The following DSTYK variants were observed in gnomAD, a reference collection of about 807,000 sequenced individuals.
DSTYK encodes RIP-homologous kinase.
Under a neutral mutation model 98.7 loss-of-function variants are expected in DSTYK, and 34 were observed. The ratio of observed to expected loss-of-function variants is 0.34; its 90% CI spans 0.26 to 0.46. The LOEUF (loss-of-function observed/expected upper bound fraction) is 0.46, where lower values mean the gene tolerates loss of function less well. Among genes scored for constraint, DSTYK ranks in the 20% least tolerant of loss-of-function variants. The pLI is 1.00. For missense variants in DSTYK, 962 were observed against 1,181.7 expected, an observed-to-expected ratio of 0.81 and a Z score of 2.73; for synonymous variants, 462 against 457.3, an observed-to-expected ratio of 1.01 and a Z score of -0.13.
At chr1:205,161,167 CT>C in intron 7 of DSTYK, 90 bp downstream of exon 7, 9 of 1,521,476 alleles carry the variant, frequency 5.9e-6, no homozygotes, top group Non-Finnish European at 8.0e-6. Flanking sequence ...AAAGAAGCAG[CT>C]TTAGACACTA....
chr1:205,195,739 A>C (rs891824768), intron 1 of DSTYK, among the ~76,000 whole-genome samples: 7 of 152,246 alleles, frequency 4.6e-5, no homozygotes, highest in Admixed American at 2.6e-4. Context: ...TTTAAGAAGC[A>C]GATAGTATTG....
chr1:205,172,685 AT>A, intron 2 of DSTYK, among the ~76,000 whole-genome samples: 1 of 152,270 alleles, frequency 6.6e-6, no homozygotes, highest in East Asian at 1.9e-4. Context: ...ACAAAGAACT[AT>A]GCTATATTCT....
chr1:205,161,170 T>C, intron 7 of DSTYK, 88 bp downstream of exon 7: 1 of 1,528,036 alleles, frequency 6.5e-7, no homozygotes, highest in South Asian at 1.3e-5. Context: ...GAAGCAGCTT[T>C]AGACACTAGG....
chr1:205,173,267 A>G (rs1658121532), intron 2 of DSTYK: 1 of 151,622 alleles, frequency 6.6e-6, no homozygotes, highest in African/African-American at 2.4e-5. Flanking sequence ...GCTGGTGCAC[A>G]CCTATAATTC....
Position 205,150,057 on chromosome 1 carries a change from A to G in DSTYK, c.2467+623T>C, listed in dbSNP as rs1310902277. On this transcript the variant is annotated intron_variant, in intron 11 of 12. Coordinates refer to ENST00000367162, the MANE Select transcript of DSTYK (RefSeq NM_015375.3). This position sits in a 1 kb window ranked among gnomAD's most constrained non-coding sequence, Gnocchi z 4.1. ...TTTTATCCATTGAATGGACATAAAAATACATCATCGTCACAGAATTAAACA... is the reference window on the plus strand; with the variant it reads ...TTTTATCCATTGAATGGACATAAAAGTACATCATCGTCACAGAATTAAACA... Among the ~76,000 whole-genome samples, 1 of 152,192 alleles carries G rather than the reference A, an allele frequency of 6.6e-6. No homozygotes were observed. The highest frequency in any genetic ancestry group is 2.4e-5 in the African/African-American group (1 of 41,454).
chr1:205,201,472 T>C (rs1219588837), intron 1 of DSTYK, among the ~76,000 whole-genome samples: 3 of 149,904 alleles, frequency 2.0e-5, no homozygotes, highest in Non-Finnish European at 3.0e-5. Context: ...CATATCATTG[T>C]TCTTTTTTAG....
intron 1 of DSTYK, among the ~76,000 whole-genome samples, chr1:205,196,253 A>T (rs1658863354): frequency 6.6e-6 from 1 of 152,172 alleles, no homozygotes; most frequent in Non-Finnish European, 1.5e-5. Flanking sequence ...AGAAGGAATG[A>T]TGGATATAAA....
chr1:205,169,023 GCTC>G lies in DSTYK; in HGVS notation c.1324+137_1324+139del. 1.4e-6 allele frequency: 1 copy of G among 699,108 alleles called. No individual in the cohort carries two copies. The highest frequency in any genetic ancestry group is 2.4e-6 in the Non-Finnish European group (1 of 421,062). 43.3% of individuals were successfully genotyped at this position (699,108 alleles called of 1,614,324 possible). ...AGAGGCCACCTTGGCTAAATAGTGG[GCTC>G]CTGCTGGTAACAGTGGGGTGGATGA... is the stretch of plus-strand genomic sequence containing the variant. On this transcript the variant is annotated intron_variant, in intron 3 of 12. Coordinates refer to ENST00000367162, the MANE Select transcript of DSTYK (RefSeq NM_015375.3). The surrounding 1 kb of genome is among the most constrained non-coding windows in gnomAD (Gnocchi z 4.0).
At chr1:205,183,166 G>A (rs1414010527) in intron 2 of DSTYK, among the ~76,000 whole-genome samples, 1 of 151,574 alleles carries the variant, frequency 6.6e-6, no homozygotes, top group Non-Finnish European at 1.5e-5. Flanking sequence ...TAAGAAGAAA[G>A]AAAAAGAAAA....
chr1:205,174,272 TGG>T (rs1395951274), intron 2 of DSTYK, among the ~76,000 whole-genome samples: 1 of 151,834 alleles, frequency 6.6e-6, no homozygotes, highest in Non-Finnish European at 1.5e-5. Context: ...CCCAGCACTT[TGG>T]GAGGCCGAGG....
rs75503388 is a variant in DSTYK, at chr1:205,191,461, G to A, written c.266-3655C>T. Among the ~76,000 whole-genome samples the A allele has an allele frequency of 8.6e-3, 1,310 of 152,276 alleles. 22 individuals carry two copies. Among genetic ancestry groups the A allele is most frequent in the African/African-American group, 0.03 (1,253 of 41,564 alleles). On this transcript the variant is annotated intron_variant, in intron 1 of 12. Transcript: ENST00000367162. ...GCTCTGTGACCTTGGCAATCCACTC[G>A]ATCTTTCTGAGCCTTGAAATGCTCG...
chr1:205,200,405 C>T (rs945934359), intron 1 of DSTYK, among the ~76,000 whole-genome samples: 4 of 152,100 alleles, frequency 2.6e-5, no homozygotes, highest in African/African-American at 7.2e-5. Context: ...AACTCCTCAC[C>T]GCAGGTGATC....
At chr1:205,176,476 T>TAAAAAAAAAAAAA (rs61291677) in intron 2 of DSTYK, among the ~76,000 whole-genome samples, 5 of 43,206 alleles carry the variant, frequency 1.2e-4, no homozygotes, top group African/African-American at 2.8e-4. Flanking sequence ...AACTCCCTCT[T>TAAAAAAAAAAAAA]AAAAAAAAAA....
intron 1 of DSTYK, among the ~76,000 whole-genome samples, chr1:205,192,738 T>G (rs1658747929): frequency 6.6e-6 from 1 of 152,206 alleles, no homozygotes; most frequent in Non-Finnish European, 1.5e-5. Flanking sequence ...GGCCGACGCC[T>G]GTAATCCCAG....
At chr1:205,158,304 A>G (rs1395802631) in intron 9 of DSTYK, among the ~76,000 whole-genome samples, 1 of 152,122 alleles carries the variant, frequency 6.6e-6, no homozygotes. Context: ...CCTCTGCCCT[A>G]CTTCTGGAAG....
chr1:205,168,246 T>C (rs368196540), intron 3 of DSTYK, among the ~76,000 whole-genome samples: 44 of 152,170 alleles, frequency 2.9e-4, no homozygotes, highest in Admixed American at 9.2e-4. Context: ...CAGTAAAGGA[T>C]GGAAATTAAG....
intron 2 of DSTYK, among the ~76,000 whole-genome samples, chr1:205,179,161 T>C (rs2102432753): frequency 6.6e-6 from 1 of 150,894 alleles, no homozygotes; most frequent in Non-Finnish European, 1.5e-5. Flanking sequence ...TATAGCCCCA[T>C]CTTACAAATG....
chr1:205,211,372 A>ATGTCGCGGAAGAACTTCTGGG lies in DSTYK; in HGVS notation c.143_163dup (p.Thr48_Asp54dup), dbSNP rs1477696845. ...ACAAGTGTGGTTGTGGGAGCACTTGATGTCGCGGAAGAACTTCTGGGTCTC... is the reference window on the plus strand; with the variant it reads ...ACAAGTGTGGTTGTGGGAGCACTTGATGTCGCGGAAGAACTTCTGGGTGTCGCGGAAGAACTTCTGGGTCTC... On this transcript the variant is annotated inframe_insertion, in exon 1 of 13. Transcript: ENST00000367162. 9.3e-6 allele frequency: 15 copies of ATGTCGCGGAAGAACTTCTGGG among 1,612,484 alleles called. No homozygotes were observed. Among genetic ancestry groups the ATGTCGCGGAAGAACTTCTGGG allele is most frequent in the Non-Finnish European group, 1.1e-5 (13 of 1,179,546 alleles).
At position 205,196,106 on chromosome 1, in the gene DSTYK, A is replaced by G. The variant is rs147411685; in HGVS notation, c.266-8300T>C. On this transcript the variant is annotated intron_variant, in intron 1 of 12. Transcript: ENST00000367162. The stretch of plus-strand genomic sequence containing the variant: ...TGAAGGGAAACTCACTCACCTCACC[A>G]AAGTGGGGACAATTTATGCATAAAA... Among the ~76,000 whole-genome samples, 634 of 152,364 alleles carry G rather than the reference A, an allele frequency of 4.2e-3. 5 individuals carry two copies. Among genetic ancestry groups the G allele is most frequent in the Non-Finnish European group, 6.4e-3 (437 of 68,036 alleles).
Sources: allele counts gnomAD v4.1 joint callset (sites outside exome capture counted in the v4.1 genomes callset), GRCh38; gene constraint gnomAD v4.1.1; non-coding constraint Gnocchi (gnomAD v3.1); transcripts MANE v1.5; gene names NCBI Gene and HGNC (gene_info 2026-07-23, HGNC 2026-07-21).